CUEDC1: variants seen among roughly 807,000 people sequenced by gnomAD.
CUEDC1 encodes CUE domain-containing protein 1.
Under a neutral mutation model 43.7 loss-of-function variants are expected in CUEDC1, and 30 were observed. The ratio of observed to expected loss-of-function variants is 0.69; its 90% CI spans 0.51 to 0.93. The LOEUF is 0.93. Ranked by LOEUF, CUEDC1 falls within the 40% of genes least tolerant of loss-of-function variation. The pLI, the probability that CUEDC1 is intolerant of heterozygous loss-of-function variation, is 0.00. For missense variants in CUEDC1, 486 were observed against 549.0 expected, an observed-to-expected ratio of 0.89 and a Z score of 1.15; for synonymous variants, 223 against 223.6, an observed-to-expected ratio of 1.00 and a Z score of 0.02.
chr17:57,920,691 G>A lies in CUEDC1; in HGVS notation c.-316+34534C>T, dbSNP rs141441808. On this transcript the variant is annotated intron_variant, in intron 1 of 10. Transcript: ENST00000577830. Reference sequence around the variant, plus strand: ...CTGTTGCCCAGGCTGGAGTGTAGTGGTGCAATCTCGGCTCACTGCAAACTC... The same window carrying A: ...CTGTTGCCCAGGCTGGAGTGTAGTGATGCAATCTCGGCTCACTGCAAACTC... Among the ~76,000 whole-genome samples, 193 of 147,412 alleles carry A rather than the reference G, an allele frequency of 1.3e-3. 1 individual carries two copies. The highest frequency in any genetic ancestry group is 4.6e-3 in the African/African-American group (184 of 39,974).
At chr17:57,936,616 G>A (rs547013424) in intron 1 of CUEDC1, among the ~76,000 whole-genome samples, 1 of 152,208 alleles carries the variant, frequency 6.6e-6, no homozygotes, top group Admixed American at 6.5e-5. Context: ...CTCCAGGGCT[G>A]TTTCCACAGA....
intron 1 of CUEDC1, among the ~76,000 whole-genome samples, chr17:57,953,510 G>A (rs1327124489): frequency 6.6e-6 from 1 of 152,230 alleles, no homozygotes; most frequent in Non-Finnish European, 1.5e-5. Flanking sequence ...GGTGACAACT[G>A]TTCTGATGGC....
chr17:57,908,721 G>A (rs1056285201), intron 1 of CUEDC1, among the ~76,000 whole-genome samples: 15 of 152,216 alleles, frequency 9.9e-5, no homozygotes, highest in African/African-American at 3.6e-4. Flanking sequence ...AATGTGACCA[G>A]GTGCAGTGGC....
At chr17:57,926,773 T>TA (rs1208107163) in intron 1 of CUEDC1, among the ~76,000 whole-genome samples, 2 of 151,860 alleles carry the variant, frequency 1.3e-5, no homozygotes, top group South Asian at 2.1e-4. Context: ...GAGGCAAAAA[T>TA]ATAACCACAT....
chr17:57,861,668 AG>A lies in CUEDC1; in HGVS notation c.*1620del, dbSNP rs1355915232. Reference sequence around the variant, plus strand: ...CTCCAAGAAAAAACCCACACATAGGAGGAAAAAAAATAACAAAGCAACACTC... The same window carrying A: ...CTCCAAGAAAAAACCCACACATAGGAGAAAAAAAATAACAAAGCAACACTC... On this transcript the variant is annotated 3_prime_UTR_variant, in exon 11 of 11. Transcript: ENST00000577830. The A allele has an allele frequency of 2.6e-5, 4 of 152,334 alleles. No individual in the cohort carries two copies. Among genetic ancestry groups the A allele is most frequent in the Non-Finnish European group, 5.9e-5 (4 of 68,162 alleles). 9.4% of individuals were successfully genotyped at this position (152,334 alleles called of 1,614,324 possible).
chr17:57,913,097 G>C (rs899460148), intron 1 of CUEDC1, among the ~76,000 whole-genome samples: 31 of 151,990 alleles, frequency 2.0e-4, no homozygotes, highest in African/African-American at 7.2e-5. Context: ...AGGCCGAGGC[G>C]GGTGGATTAC....
At chr17:57,902,325 T>A (rs73314254) in intron 1 of CUEDC1, among the ~76,000 whole-genome samples, 2 of 152,164 alleles carry the variant, frequency 1.3e-5, no homozygotes, top group African/African-American at 4.8e-5. Context: ...GAGACCTCCA[T>A]CTCAAAAAGA....
chr17:57,931,173 C>T (rs936446659), intron 1 of CUEDC1, among the ~76,000 whole-genome samples: 1 of 152,054 alleles, frequency 6.6e-6, no homozygotes, highest in Admixed American at 6.5e-5. Flanking sequence ...CCTATAATCT[C>T]AGTTACTTGG....
chr17:57,932,391 C>T (rs1044399567), intron 1 of CUEDC1, among the ~76,000 whole-genome samples: 1 of 151,632 alleles, frequency 6.6e-6, no homozygotes, highest in Non-Finnish European at 1.5e-5. Flanking sequence ...CGAGACCATC[C>T]TGGCTAACAT....
chr17:57,870,769 T>C (rs1226968687), intron 6 of CUEDC1, among the ~76,000 whole-genome samples: 2 of 151,896 alleles, frequency 1.3e-5, no homozygotes, highest in South Asian at 2.1e-4. Context: ...CTCAACCTCC[T>C]GGGCTCAAGT....
chr17:57,914,690 G>T (rs1353829569), intron 1 of CUEDC1, among the ~76,000 whole-genome samples: 1 of 152,152 alleles, frequency 6.6e-6, no homozygotes, highest in East Asian at 1.9e-4. Flanking sequence ...AGAGAGAAGG[G>T]TTCCAAGTCT....
intron 3 of CUEDC1, among the ~76,000 whole-genome samples, chr17:57,876,088 G>A (rs1319894027): frequency 6.6e-6 from 1 of 152,158 alleles, no homozygotes; most frequent in Non-Finnish European, 1.5e-5. Flanking sequence ...TGGGGGCCAG[G>A]CCATTCCCCC....
rs560013193 is a variant in CUEDC1 at position 57,869,101 on chromosome 17, C to T, written c.940+21G>A. On this transcript the variant is annotated intron_variant, in intron 7 of 10. Coordinates refer to ENST00000577830, the MANE Select transcript of CUEDC1 (RefSeq NM_001271875.2). ...GTCTCAGAAAAGCTGGGGAGGGAAG[C>T]GGGGCCTGAGTGGGACTCACACTTT... is the stretch of plus-strand genomic sequence containing the variant. 151 of 1,612,328 alleles carry T rather than the reference C, an allele frequency of 9.4e-5. 1 individual carries two copies. In the South Asian group the frequency reaches 1.3e-3, roughly 14 times the overall value.
At chr17:57,893,363 G>GTA (rs1308164075) in intron 1 of CUEDC1, among the ~76,000 whole-genome samples, 1 of 151,932 alleles carries the variant, frequency 6.6e-6, no homozygotes, top group Non-Finnish European at 1.5e-5. Context: ...GTGTGTGTGT[G>GTA]TGTGTGTGTG....
intron 1 of CUEDC1, among the ~76,000 whole-genome samples, chr17:57,946,940 T>C (rs919778301): frequency 2.6e-5 from 4 of 152,116 alleles, no homozygotes; most frequent in Non-Finnish European, 4.4e-5. Flanking sequence ...CACCTTGCCA[T>C]TGGCTGACAC....
chr17:57,870,577 T>C (rs896338609), intron 6 of CUEDC1, among the ~76,000 whole-genome samples: 1 of 152,210 alleles, frequency 6.6e-6, no homozygotes, highest in Admixed American at 6.5e-5. Flanking sequence ...CTACCTGTTT[T>C]CTGGGCATTT....
chr17:57,947,443 G>C lies in CUEDC1; in HGVS notation c.-316+7782C>G, dbSNP rs977195498. ...CTGAGATCCCTGTAACCATCTTGCTGTAATGTGGCTGAGACTGTTATACTA... is the reference window on the plus strand; with the variant it reads ...CTGAGATCCCTGTAACCATCTTGCTCTAATGTGGCTGAGACTGTTATACTA... On this transcript the variant is annotated intron_variant, in intron 1 of 10. Coordinates refer to ENST00000577830, the MANE Select transcript of CUEDC1 (RefSeq NM_001271875.2). 4.6e-5 allele frequency among the ~76,000 whole-genome samples: 7 copies of C among 152,210 alleles called. No homozygotes were observed. The East Asian group carries it at 1.3e-3, about 29-fold the overall frequency.
chr17:57,940,800 A>C (rs1046615117), intron 1 of CUEDC1, among the ~76,000 whole-genome samples: 1 of 152,236 alleles, frequency 6.6e-6, no homozygotes, highest in Non-Finnish European at 1.5e-5. Flanking sequence ...TTTTAAAAAA[A>C]TACAATAACT....
At chr17:57,886,945 A>C in intron 1 of CUEDC1, among the ~76,000 whole-genome samples, 1 of 150,736 alleles carries the variant, frequency 6.6e-6, no homozygotes, top group Non-Finnish European at 1.5e-5. Flanking sequence ...CAGCCTCCCG[A>C]GTAGCTGGGA....
Sources: gnomAD v4.1 joint callset for allele counts (sites outside exome capture counted in the v4.1 genomes callset) on GRCh38, gnomAD v4.1.1 for gene constraint, MANE v1.5 for transcripts, NCBI Gene and HGNC (gene_info 2026-07-23, HGNC 2026-07-21) for gene names.